Variants in SLIT3 observed in about 807,000 individuals in gnomAD.
The protein encoded by SLIT3 is slit homolog 3 protein.
In SLIT3, 68 loss-of-function variants were observed where a neutral mutation model predicts 184.0. That is an observed-to-expected ratio of 0.37 (90% CI 0.30 to 0.45). SLIT3 has a LOEUF of 0.45. Ranked by LOEUF, SLIT3 falls within the 20% of genes least tolerant of loss-of-function variation. The probability of loss-of-function intolerance (pLI) is 1.00; values close to 1 mark genes in which losing one functional copy is unlikely to be tolerated. For missense variants in SLIT3, 1,707 were observed against 2,026.0 expected (o/e 0.84, Z 3.02); for synonymous variants, 831 against 828.6 (o/e 1.00, Z -0.05).
At chr5:168,745,869 C>T (rs914840772) in intron 20 of SLIT3, among the ~76,000 whole-genome samples, 1 of 152,158 alleles carries the variant, frequency 6.6e-6, no homozygotes, top group African/African-American at 2.4e-5. Context: ...ATGTTGGCCA[C>T]CACCACCCTG....
At chr5:169,029,300 C>T (rs1463177360) in intron 4 of SLIT3, among the ~76,000 whole-genome samples, 1 of 152,128 alleles carries the variant, frequency 6.6e-6, no homozygotes, top group African/African-American at 2.4e-5. Flanking sequence ...TTTTGTTAGC[C>T]AGATTCCTTA....
chr5:168,840,665 C>T (rs541628460), intron 6 of SLIT3, among the ~76,000 whole-genome samples: 179 of 152,118 alleles, frequency 1.2e-3, no homozygotes, highest in Non-Finnish European at 2.4e-3. Flanking sequence ...GTGTTGTATG[C>T]GAATTACCAA....
intron 4 of SLIT3, among the ~76,000 whole-genome samples, chr5:169,179,636 C>A (rs1051514246): frequency 6.6e-6 from 1 of 151,932 alleles, no homozygotes; most frequent in African/African-American, 2.4e-5. Flanking sequence ...CTCCTGCCAC[C>A]GAGTTAGTTT....
intron 4 of SLIT3, among the ~76,000 whole-genome samples, chr5:168,902,508 A>G (rs1398357607): frequency 1.3e-5 from 2 of 152,216 alleles, no homozygotes; most frequent in African/African-American, 4.8e-5. Context: ...AAGTGAAGGA[A>G]GAGTAGGAAT....
intron 2 of SLIT3, among the ~76,000 whole-genome samples, chr5:169,250,480 G>A (rs917597839): frequency 1.3e-5 from 2 of 152,074 alleles, no homozygotes; most frequent in African/African-American, 4.8e-5. Context: ...AGGTTTCATG[G>A]GTAGCTAATT....
intron 4 of SLIT3, among the ~76,000 whole-genome samples, chr5:169,152,920 T>C (rs1489244991): frequency 2.6e-5 from 4 of 152,074 alleles, no homozygotes; most frequent in Non-Finnish European, 5.9e-5. Context: ...TCCCCCAAAT[T>C]AGGTATAGCC....
At chr5:168,964,509 C>G (rs774371325) in intron 4 of SLIT3, among the ~76,000 whole-genome samples, 69 of 152,254 alleles carry the variant, frequency 4.5e-4, no homozygotes, top group Middle Eastern at 3.4e-3. Flanking sequence ...AGTGCCAAAG[C>G]CCAAACTCAT....
At chr5:168,941,743 G>T (rs1762339806) in intron 4 of SLIT3, among the ~76,000 whole-genome samples, 1 of 152,148 alleles carries the variant, frequency 6.6e-6, no homozygotes, top group Admixed American at 6.5e-5. Context: ...CCAAAGGAAG[G>T]TTAAGCACCA....
In SLIT3 at chr5:169,182,416, C is replaced by T. The variant is rs193140173; in HGVS notation, c.413+11063G>A. ...CAACCTCCTGGACTTTGTAAATGAA[C>T]TGCAAACCTTACAAATGGAATTTAA... On this transcript the variant is annotated intron_variant, in intron 4 of 35. Coordinates refer to ENST00000519560, the MANE Select transcript of SLIT3 (RefSeq NM_003062.4). Among the ~76,000 whole-genome samples, 224 of 152,300 alleles carry T rather than the reference C, an allele frequency of 1.5e-3. 3 individuals are homozygous for T. The highest frequency in any genetic ancestry group is 1.6e-3 in the Non-Finnish European group (109 of 68,026).
chr5:169,158,017 CA>C (rs759369750), intron 4 of SLIT3, among the ~76,000 whole-genome samples: 40 of 149,102 alleles, frequency 2.7e-4, no homozygotes, highest in Non-Finnish European at 5.2e-4. Flanking sequence ...AATCAGATAT[CA>C]AAAAGAAGAG....
intron 5 of SLIT3, among the ~76,000 whole-genome samples, chr5:168,851,247 C>A (rs963738883): frequency 6.8e-6 from 1 of 147,166 alleles, no homozygotes; most frequent in Non-Finnish European, 1.5e-5. Flanking sequence ...GGCGTGAACC[C>A]GGGAGGCGGA....
At chr5:168,795,733 G>C (rs1756543936) in intron 9 of SLIT3, among the ~76,000 whole-genome samples, 155 bp from the exon 10 acceptor site, 1 of 152,168 alleles carries the variant, frequency 6.6e-6, no homozygotes, top group Non-Finnish European at 1.5e-5. Flanking sequence ...CACTGCAGCA[G>C]TCAGAGAACT....
chr5:168,849,052 G>T (rs945017970), intron 5 of SLIT3, among the ~76,000 whole-genome samples: 4 of 152,090 alleles, frequency 2.6e-5, no homozygotes, highest in Admixed American at 6.5e-5. Context: ...AAGAAAGAAG[G>T]AAAAGAAAAA....
rs371304434 is a variant in SLIT3, at chr5:169,290,056, C to T, written c.197+10457G>A. Among the ~76,000 whole-genome samples the T allele has an allele frequency of 1.4e-4, 21 of 150,104 alleles. No individual in the cohort carries two copies. The East Asian group carries it at 4.1e-3, about 29-fold the overall frequency. ...ACGTACATTAGGGCATACGCCAGGG[C>T]ACACACTAGGACATATGCTAGAACG... is the stretch of plus-strand genomic sequence containing the variant. On this transcript the variant is annotated intron_variant, in intron 1 of 35. Transcript: ENST00000519560.
At chr5:169,099,745 G>A (rs571003134) in intron 4 of SLIT3, among the ~76,000 whole-genome samples, 6 of 152,282 alleles carry the variant, frequency 3.9e-5, no homozygotes, top group East Asian at 3.9e-4. Flanking sequence ...TGTAGCTGGC[G>A]AGGTGGTCAG....
intron 4 of SLIT3, among the ~76,000 whole-genome samples, chr5:169,043,017 C>G (rs953087021): frequency 2.5e-4 from 38 of 152,156 alleles, no homozygotes; most frequent in Admixed American, 9.2e-4. Flanking sequence ...AATGAGACAT[C>G]TTTTGTACTA....
chr5:169,147,161 G>A (rs1382602932), intron 4 of SLIT3, among the ~76,000 whole-genome samples: 1 of 152,210 alleles, frequency 6.6e-6, no homozygotes, highest in Non-Finnish European at 1.5e-5. Flanking sequence ...ACATCTTTGG[G>A]TAGATACACC....
chr5:168,792,427 G>A (rs4867925), intron 10 of SLIT3: 22,017 of 152,180 alleles, frequency 0.14, 1,975 homozygotes, highest in South Asian at 0.34. Flanking sequence ...GTGGTCCCTA[G>A]GTCATATACT....
intron 4 of SLIT3, among the ~76,000 whole-genome samples, chr5:169,103,127 TAG>T (rs1760079434): frequency 1.3e-5 from 2 of 152,228 alleles, no homozygotes; most frequent in Non-Finnish European, 2.9e-5. Context: ...TCCTATGAGA[TAG>T]GCACTCTTAA....
Sources: gnomAD v4.1 joint callset for allele counts (sites outside exome capture counted in the v4.1 genomes callset) on GRCh38, gnomAD v4.1.1 for gene constraint, MANE v1.5 for transcripts, NCBI Gene and HGNC (gene_info 2026-07-23, HGNC 2026-07-21) for gene names.